The following RANBP17 variants were observed in gnomAD, a reference collection of about 807,000 sequenced individuals.
RANBP17 encodes ran-binding protein 17.
A neutral mutation model predicts 141.2 loss-of-function variants in RANBP17; 158 were observed. That is an observed-to-expected ratio of 1.12 (90% CI 0.98 to 1.28). The LOEUF is 1.28. Among genes scored for constraint, RANBP17 ranks in the 50% most tolerant of loss-of-function variants. The pLI is 0.00. For missense variants in RANBP17, 1,438 were observed against 1,290.7 expected (o/e 1.11, Z -1.75); for synonymous variants, 430 against 450.0 (o/e 0.96, Z 0.56).
chr5:171,203,337 T>A (rs1762405048), intron 19 of RANBP17, among the ~76,000 whole-genome samples: 1 of 152,198 alleles, frequency 6.6e-6, no homozygotes, highest in African/African-American at 2.4e-5. Context: ...TCCTTTTTCA[T>A]ATGGGGGCTG....
chr5:170,947,006 A>G (rs971944863), intron 12 of RANBP17, among the ~76,000 whole-genome samples: 66 of 152,226 alleles, frequency 4.3e-4, no homozygotes, highest in African/African-American at 1.6e-3. Context: ...GCACATTAGC[A>G]GGTGACTGAG....
At chr5:171,046,593 A>AT (rs746839156) in intron 14 of RANBP17, among the ~76,000 whole-genome samples, 1 of 152,110 alleles carries the variant, frequency 6.6e-6, no homozygotes, top group Non-Finnish European at 1.5e-5. Context: ...ACTTAGATAT[A>AT]TTTTTTTAAA....
At chr5:170,933,853 A>G (rs1335905700) in intron 12 of RANBP17, among the ~76,000 whole-genome samples, 6 of 152,264 alleles carry the variant, frequency 3.9e-5, no homozygotes, top group Admixed American at 1.3e-4. Flanking sequence ...CAATTTTGGA[A>G]TAAGTGCGAT....
chr5:171,196,607 A>ATT (rs1761994414), intron 18 of RANBP17, among the ~76,000 whole-genome samples: 1 of 152,184 alleles, frequency 6.6e-6, no homozygotes, highest in Non-Finnish European at 1.5e-5. Flanking sequence ...AATGGCTGTC[A>ATT]TTTATTAAGT....
At chr5:170,938,829 G>A (rs1393764939) in intron 12 of RANBP17, among the ~76,000 whole-genome samples, 1 of 152,128 alleles carries the variant, frequency 6.6e-6, no homozygotes, top group Admixed American at 6.5e-5. Flanking sequence ...GGTCAGGTAT[G>A]TCAAAATGAG....
intron 14 of RANBP17, among the ~76,000 whole-genome samples, chr5:171,114,720 CAG>C (rs939841711): frequency 6.7e-6 from 1 of 148,536 alleles, no homozygotes; most frequent in Non-Finnish European, 1.5e-5. Flanking sequence ...TGGTTTCTAA[CAG>C]AACTGTTTAT....
At chr5:171,125,812 A>G (rs1276479320) in intron 14 of RANBP17, among the ~76,000 whole-genome samples, 2 of 148,940 alleles carry the variant, frequency 1.3e-5, no homozygotes, top group African/African-American at 4.9e-5. Flanking sequence ...TTTTTTTGAG[A>G]CGGAGTCTTG....
intron 14 of RANBP17, among the ~76,000 whole-genome samples, chr5:171,139,567 T>C (rs1345363731): frequency 6.6e-6 from 1 of 152,176 alleles, no homozygotes; most frequent in African/African-American, 2.4e-5. Context: ...CTAGGAATCA[T>C]TTTTATTTCA....
chr5:171,098,543 T>A (rs996810507), intron 14 of RANBP17, among the ~76,000 whole-genome samples: 1 of 152,236 alleles, frequency 6.6e-6, no homozygotes, highest in Non-Finnish European at 1.5e-5. Flanking sequence ...ATTAGCCCTT[T>A]GTCAGATGGA....
intron 14 of RANBP17, among the ~76,000 whole-genome samples, chr5:171,147,151 A>G (rs1004532822): frequency 5.3e-5 from 8 of 152,128 alleles, no homozygotes; most frequent in Non-Finnish European, 8.8e-5. Flanking sequence ...GCAGTGCACA[A>G]GACAGCCCCA....
rs959143012 is a variant in RANBP17, at chr5:171,057,404, A to G, written c.1710+89027A>G. On this transcript the variant is annotated intron_variant, in intron 14 of 27. Coordinates refer to ENST00000523189, the MANE Select transcript of RANBP17 (RefSeq NM_022897.5). The stretch of plus-strand genomic sequence containing the variant: ...TACATATTTATATAATTATGTTTAT[A>G]TATGTGTTTATTGCATTTTGCTTTT... Among the ~76,000 whole-genome samples the G allele has an allele frequency of 5.3e-5, 8 of 152,194 alleles. No individual in the cohort carries two copies. The South Asian group carries it at 8.3e-4, about 16-fold the overall frequency.
intron 14 of RANBP17, among the ~76,000 whole-genome samples, chr5:171,146,567 A>G (rs1302765356): frequency 1.3e-5 from 2 of 152,220 alleles, no homozygotes; most frequent in Admixed American, 6.5e-5. Flanking sequence ...ACGGTATGTA[A>G]TGTGTTGTAT....
At chr5:171,297,176 A>G (rs1768871367) in intron 27 of RANBP17, among the ~76,000 whole-genome samples, 1 of 152,178 alleles carries the variant, frequency 6.6e-6, no homozygotes, top group Non-Finnish European at 1.5e-5. Flanking sequence ...ATGAGATCTA[A>G]ATGAAAGGAG....
At chr5:170,935,029 T>C (rs918156397) in intron 12 of RANBP17, among the ~76,000 whole-genome samples, 1 of 152,218 alleles carries the variant, frequency 6.6e-6, no homozygotes, top group African/African-American at 2.4e-5. Context: ...TTCTCTAAAC[T>C]TCTCTTCTAA....
chr5:170,876,862 T>A (rs185713572), intron 1 of RANBP17, among the ~76,000 whole-genome samples: 1 of 152,292 alleles, frequency 6.6e-6, no homozygotes, highest in African/African-American at 2.4e-5. Context: ...TGCATTTTTT[T>A]AAAAGGAATA....
At chr5:171,241,198 C>T (rs984931963) in intron 23 of RANBP17, 56 bp downstream of exon 23, 2 of 1,308,494 alleles carry the variant, frequency 1.5e-6, no homozygotes, top group Non-Finnish European at 1.1e-6. Context: ...AACACCACCA[C>T]AGGCCTGGAA....
At chr5:171,065,176 T>C (rs1443814449) in intron 14 of RANBP17, among the ~76,000 whole-genome samples, 1 of 152,160 alleles carries the variant, frequency 6.6e-6, no homozygotes, top group African/African-American at 2.4e-5. Context: ...TTGGGTGTAG[T>C]GGAAGGAATG....
chr5:171,024,103 G>T (rs929598297), intron 14 of RANBP17, among the ~76,000 whole-genome samples: 4 of 152,038 alleles, frequency 2.6e-5, no homozygotes, highest in Non-Finnish European at 1.5e-5. Context: ...AACTGTATAG[G>T]CTTGGTCTCT....
At chr5:171,137,169 T>A (rs1018441210) in intron 14 of RANBP17, among the ~76,000 whole-genome samples, 16 of 152,318 alleles carry the variant, frequency 1.1e-4, no homozygotes, top group Middle Eastern at 6.8e-3. Flanking sequence ...TAATATATAT[T>A]TTTCCACATG....
Sources: allele counts gnomAD v4.1 joint callset (sites outside exome capture counted in the v4.1 genomes callset), GRCh38; gene constraint gnomAD v4.1.1; transcripts MANE v1.5; gene names NCBI Gene and HGNC (gene_info 2026-07-23, HGNC 2026-07-21).